Variants in CKAP5 observed in about 807,000 individuals in gnomAD.
The protein encoded by CKAP5 is cytoskeleton-associated protein 5.
In CKAP5, 27 loss-of-function variants were observed where a neutral mutation model predicts 232.8. The ratio of observed to expected loss-of-function variants is 0.12; its 90% CI spans 0.09 to 0.16. The LOEUF (loss-of-function observed/expected upper bound fraction) is 0.16, where lower values mean the gene tolerates loss of function less well. Ranked by LOEUF, CKAP5 falls within the 10% of genes least tolerant of loss-of-function variation. The pLI, the probability that CKAP5 is intolerant of heterozygous loss-of-function variation, is 1.00. For synonymous variants in CKAP5, 785 were observed against 841.1 expected, an observed-to-expected ratio of 0.93 and a Z score of 1.16; for missense variants, 1,838 against 2,424.7, an observed-to-expected ratio of 0.76 and a Z score of 5.08.
At chr11:46,778,696 G>C in intron 20 of CKAP5, 97 bp from the exon 21 acceptor site, 1 of 954,454 alleles carries the variant, frequency 1.0e-6, no homozygotes, top group Non-Finnish European at 1.6e-6. Flanking sequence ...TCATTCCTTT[G>C]TAATACCTAT....
chr11:46,769,194 C>T (rs1288559565), intron 26 of CKAP5, among the ~76,000 whole-genome samples: 2 of 152,184 alleles, frequency 1.3e-5, no homozygotes, highest in Non-Finnish European at 2.9e-5. Context: ...GCTGGGATTA[C>T]AAGCATGAGC....
At chr11:46,813,557 G>A (rs1458985106) in intron 4 of CKAP5, among the ~76,000 whole-genome samples, 2 of 152,132 alleles carry the variant, frequency 1.3e-5, no homozygotes, top group African/African-American at 4.8e-5. Flanking sequence ...GTCACCTGAA[G>A]CTCTCACTAA....
intron 25 of CKAP5, 114 bp from the exon 26 acceptor site, chr11:46,770,212 C>T: frequency 3.7e-6 from 4 of 1,076,426 alleles, no homozygotes; most frequent in Non-Finnish European, 5.6e-6. Flanking sequence ...TTTTGAAATA[C>T]CACTGAAGTA....
intron 18 of CKAP5, 84 bp from the exon 19 acceptor site, chr11:46,780,569 C>T: frequency 8.8e-7 from 1 of 1,137,590 alleles, no homozygotes; most frequent in Non-Finnish European, 1.3e-6. Context: ...GACTCTAGGA[C>T]TGGCTCCCTT....
chr11:46,817,799 C>T (rs1432694115), intron 3 of CKAP5, among the ~76,000 whole-genome samples: 2 of 151,946 alleles, frequency 1.3e-5, no homozygotes, highest in African/African-American at 4.8e-5. Flanking sequence ...TTAAACTGGC[C>T]AGGAGTCACT....
Position 46,780,477 on chromosome 11 carries a change from A to T in CKAP5, c.2258T>A (p.Val753Asp). ...CTTCACATTGCTAATGAAAGCTTTG[A>T]CATTCAACCTAGAAGAAACATTTAG... is the stretch of plus-strand genomic sequence containing the variant. ...IKEFGFSGLN[V>D]KAFISNVKTA... is the part of the protein sequence containing the mutation. Residue 753 changes from valine to aspartate, a missense_variant, in exon 19 of 44, where the codon GTC becomes GAC. Around this residue, in one of 6 missense-constraint regions of CKAP5, gnomAD observed 767 missense variants for 954.6 expected, o/e 0.80. Coordinates refer to ENST00000529230, the MANE Select transcript of CKAP5 (RefSeq NM_001008938.4). 1 of 1,613,332 alleles carries T rather than the reference A, an allele frequency of 6.2e-7. No individual in the cohort carries two copies.
Position 46,751,035 on chromosome 11 carries a change from C to T in CKAP5, c.5460+83G>A, listed in dbSNP as rs942652464. On this transcript the variant is annotated intron_variant, in intron 40 of 43. Transcript: ENST00000529230. Reference sequence around the variant, plus strand: ...GCCTTCACCTTGGACCTTCGGAAAGCATATCCTGGTGACCTACACCTTAGA... The same window carrying T: ...GCCTTCACCTTGGACCTTCGGAAAGTATATCCTGGTGACCTACACCTTAGA... The T allele has an allele frequency of 9.1e-6, 14 of 1,536,692 alleles. No homozygotes were observed. In the Middle Eastern group the frequency reaches 6.8e-4, roughly 75 times the overall value.
intron 18 of CKAP5, among the ~76,000 whole-genome samples, chr11:46,782,044 C>T (rs1373010923): frequency 6.6e-6 from 1 of 152,044 alleles, no homozygotes; most frequent in Admixed American, 6.6e-5. Context: ...AGGCTGGTCT[C>T]GAACTCCTGA....
intron 33 of CKAP5, 164 bp downstream of exon 33, chr11:46,760,448 T>C: frequency 1.4e-6 from 1 of 729,926 alleles, no homozygotes; most frequent in Admixed American, 2.3e-5. Context: ...ACAAAGACAA[T>C]GAAGACTGAA....
chr11:46,757,606 G>A (rs2065120424), intron 35 of CKAP5, among the ~76,000 whole-genome samples: 1 of 151,766 alleles, frequency 6.6e-6, no homozygotes, highest in Admixed American at 6.6e-5. Context: ...TTTTGGAGAT[G>A]GAGCGAGATC....
At chr11:46,779,519 C>CA (rs1565731300) in intron 20 of CKAP5, among the ~76,000 whole-genome samples, 1 of 152,094 alleles carries the variant, frequency 6.6e-6, no homozygotes, top group African/African-American at 2.4e-5. Context: ...TCCAGAAAGA[C>CA]AGAGTCTCAG....
Position 46,760,673 on chromosome 11 carries a change from T to C in CKAP5, c.4333A>G (p.Ile1445Val). Reference protein sequence around the residue: ...VEEKPQRAQNISSNANMLRKG... With the variant: ...VEEKPQRAQNVSSNANMLRKG... ...CGTAACATGTTGGCATTGGAGCTTA[T>C]GTTCTGTGCACGCTGAGGTTTCTCT... The change falls in exon 33 of 44, where the codon ATA becomes GTA. Residue 1445 changes from isoleucine to valine, a missense_variant. Physicochemically the swap from Ile to Val is conservative, Grantham distance 29. This residue lies in a region of CKAP5 where 579 missense variants were observed against 843.2 expected (regional missense o/e 0.69). Coordinates refer to ENST00000529230, the MANE Select transcript of CKAP5 (RefSeq NM_001008938.4). 1.2e-6 allele frequency: 2 copies of C among 1,614,234 alleles called. No homozygotes were observed. Among genetic ancestry groups the C allele is most frequent in the Non-Finnish European group, 1.7e-6 (2 of 1,180,036 alleles).
chr11:46,782,107 G>A (rs1397425710), intron 18 of CKAP5, among the ~76,000 whole-genome samples: 2 of 152,104 alleles, frequency 1.3e-5, no homozygotes, highest in Admixed American at 6.6e-5. Context: ...TTACAAGCAT[G>A]AGCCACCGCG....
rs2065374541 is a variant in CKAP5, at chr11:46,784,552, T to C, written c.2090A>G (p.Asn697Ser). The C allele has an allele frequency of 6.2e-7, 1 of 1,614,138 alleles. No individual in the cohort carries two copies. Among genetic ancestry groups the C allele is most frequent in the African/African-American group, 1.3e-5 (1 of 75,044 alleles). ...TGCTGTCATAGCTTCTTTTGCATTG[T>C]TCCCACATTTCACATCTCCAATCTT... ...VDKIGDVKCG[N>S]NAKEAMTAIA... Residue 697 changes from asparagine (N) to serine (S), a missense_variant, in exon 17 of 44, where the codon AAC becomes AGC. By Grantham distance (46) the Asn-to-Ser change is conservative. Transcript: ENST00000529230.
chr11:46,769,859 C>T, intron 26 of CKAP5, 104 bp downstream of exon 26: 2 of 1,276,886 alleles, frequency 1.6e-6, no homozygotes, highest in East Asian at 2.3e-5. Context: ...GAGCTTGGAT[C>T]TACGCTGTAA....
chr11:46,761,897 T>C, intron 32 of CKAP5, 103 bp downstream of exon 32: 1 of 859,702 alleles, frequency 1.2e-6, no homozygotes. Flanking sequence ...GACTAAAAAG[T>C]AGTAAAAACT....
chr11:46,839,513 C>G (rs1463752006), intron 1 of CKAP5, among the ~76,000 whole-genome samples: 12 of 152,172 alleles, frequency 7.9e-5, no homozygotes, highest in Admixed American at 7.9e-4. Context: ...AGCTACCCAC[C>G]GCCACCACTG....
chr11:46,790,413 T>G (rs1003250296), intron 14 of CKAP5, 57 bp downstream of exon 14: 2 of 1,243,834 alleles, frequency 1.6e-6, no homozygotes, highest in Non-Finnish European at 2.3e-6. Flanking sequence ...TCCAGTCTTC[T>G]CATTGGTCTC....
chr11:46,790,708 G>T, intron 13 of CKAP5, 125 bp from the exon 14 acceptor site: 1 of 644,784 alleles, frequency 1.6e-6, no homozygotes, highest in Non-Finnish European at 2.6e-6. Flanking sequence ...AGCTGCACAA[G>T]CTCAGCTTGC....
Sources: allele counts gnomAD v4.1 joint callset (sites outside exome capture counted in the v4.1 genomes callset), GRCh38; gene constraint gnomAD v4.1.1; regional missense constraint gnomAD v4.1.1; transcripts MANE v1.5; gene names NCBI Gene and HGNC (gene_info 2026-07-23, HGNC 2026-07-21).